The following INPP5F variants were observed in gnomAD, a reference collection of about 807,000 sequenced individuals.
INPP5F encodes inositol polyphosphate-5-phosphatase F, also known as phosphatidylinositide 4-phosphatase SAC2.
INPP5F carries 97 observed loss-of-function variants against 137.2 expected under a neutral mutation model. That is an observed-to-expected ratio of 0.71 (90% CI 0.60 to 0.84). The LOEUF (loss-of-function observed/expected upper bound fraction) is 0.84, where lower values mean the gene tolerates loss of function less well. Among genes scored for constraint, INPP5F ranks in the 40% least tolerant of loss-of-function variants. INPP5F has a pLI of 0.00. For missense variants in INPP5F, 1,271 were observed against 1,371.9 expected, an observed-to-expected ratio of 0.93 and a Z score of 1.16; for synonymous variants, 504 against 476.9, an observed-to-expected ratio of 1.06 and a Z score of -0.74.
intron 2 of INPP5F, among the ~76,000 whole-genome samples, chr10:119,765,546 A>ATTTTT (rs36034689): frequency 7.7e-6 from 1 of 129,820 alleles, no homozygotes. Context: ...TAATTTTTGT[A>ATTTTT]TTTTTTTTTT....
chr10:119,751,691 T>C (rs948399912), intron 2 of INPP5F, among the ~76,000 whole-genome samples: 5 of 152,236 alleles, frequency 3.3e-5, no homozygotes, highest in Admixed American at 6.5e-5. Context: ...AAGGGAATTT[T>C]GTTGGTGGGA....
rs374135735 is a variant in INPP5F at position 119,796,702 on chromosome 10, A to G, written c.670-13A>G. 2.2e-5 allele frequency: 35 copies of G among 1,605,226 alleles called. No individual in the cohort carries two copies. Among genetic ancestry groups the G allele is most frequent in the Non-Finnish European group, 2.8e-5 (33 of 1,171,902 alleles). The stretch of plus-strand genomic sequence containing the variant: ...ACAGAATAGAAACGATATCATGTTC[A>G]TTTTGTTTTCAGACTCCAGATGTGG... On this transcript the variant is annotated splice_polypyrimidine_tract_variant and intron_variant, in intron 6 of 19. Coordinates refer to ENST00000650623, the MANE Select transcript of INPP5F (RefSeq NM_014937.4).
intron 15 of INPP5F, chr10:119,815,684 G>A: frequency 3.6e-6 from 1 of 281,624 alleles, no homozygotes; most frequent in Non-Finnish European, 7.2e-6. Flanking sequence ...AACCAGGACA[G>A]CAGGAGTGTC....
At chr10:119,756,964 C>T (rs1005672281) in intron 2 of INPP5F, among the ~76,000 whole-genome samples, 2 of 151,824 alleles carry the variant, frequency 1.3e-5, no homozygotes, top group Admixed American at 6.6e-5. Context: ...ACCTCTTCCT[C>T]AGACATTTGC....
intron 3 of INPP5F, among the ~76,000 whole-genome samples, chr10:119,782,629 A>G (rs1849746540): frequency 1.3e-5 from 2 of 152,200 alleles, no homozygotes; most frequent in South Asian, 4.1e-4. Flanking sequence ...CAGCCTGGGC[A>G]ACATAGCCAG....
At chr10:119,730,944 C>T (rs541432172) in intron 1 of INPP5F, among the ~76,000 whole-genome samples, 80 of 152,170 alleles carry the variant, frequency 5.3e-4, no homozygotes, top group African/African-American at 1.4e-3. Context: ...CGCGCCACCA[C>T]GCCCAGCTAA....
At chr10:119,820,687 T>G (rs1417656801) in intron 15 of INPP5F, among the ~76,000 whole-genome samples, 159 bp from the exon 16 acceptor site, 1 of 152,224 alleles carries the variant, frequency 6.6e-6, no homozygotes, top group Admixed American at 6.5e-5. Flanking sequence ...ATGGATAGAT[T>G]GTATTACATC....
chr10:119,785,070 G>T (rs550181891), intron 3 of INPP5F, among the ~76,000 whole-genome samples: 2 of 151,904 alleles, frequency 1.3e-5, no homozygotes, highest in Admixed American at 1.3e-4. Flanking sequence ...ATAATCCCTT[G>T]TATGGGTATG....
rs1849717140 is a variant in INPP5F, at chr10:119,781,761, T to C, written c.305T>C (p.Leu102Pro). ...CTTTCTGAAATGGAACCTCAGGATC[T>C]TGAGCTAGAGGTAGGTGAAATAAAG... Reference protein sequence around the residue: ...LSLSEMEPQDLELELCKKHHF... With the variant: ...LSLSEMEPQDPELELCKKHHF... The change falls in exon 3 of 20, where the codon CTT becomes CCT. Residue 102 changes from leucine (L) to proline (P), a missense_variant. Leu to Pro is a moderately conservative substitution (Grantham distance 98). This residue lies in a region of INPP5F where 62 missense variants were observed against 55.0 expected (regional missense o/e 1.13). Transcript: ENST00000650623. The C allele has an allele frequency of 6.2e-6, 10 of 1,603,984 alleles. No individual in the cohort carries two copies. Among genetic ancestry groups the C allele is most frequent in the Non-Finnish European group, 7.7e-6 (9 of 1,172,616 alleles).
intron 1 of INPP5F, among the ~76,000 whole-genome samples, chr10:119,730,004 T>C (rs1453516218): frequency 6.6e-6 from 1 of 152,166 alleles, no homozygotes; most frequent in Non-Finnish European, 1.5e-5. Flanking sequence ...TGTTTCTAAT[T>C]TTTTTAAGGG....
intron 19 of INPP5F, 60 bp from the exon 20 acceptor site, chr10:119,826,571 A>T: frequency 7.7e-7 from 1 of 1,302,638 alleles, no homozygotes; most frequent in East Asian, 2.3e-5. Flanking sequence ...TATGTTAATA[A>T]CTGGAACTGG....
chr10:119,740,628 C>G (rs761672653), intron 1 of INPP5F, among the ~76,000 whole-genome samples: 1 of 152,130 alleles, frequency 6.6e-6, no homozygotes, highest in Admixed American at 6.5e-5. Context: ...CTGCAACCTC[C>G]GCCTTCTGGT....
Position 119,726,358 on chromosome 10 carries a change from C to G in INPP5F, c.96C>G (p.Pro32=), listed in dbSNP as rs758556650. The change falls in exon 1 of 20, where the codon CCC becomes CCG. Residue 32 remains proline (P), a splice_region_variant and synonymous_variant. Coordinates refer to ENST00000650623, the MANE Select transcript of INPP5F (RefSeq NM_014937.4). Reference sequence around the variant, plus strand: ...GCGACGGCGGCCTCCAGCTCCGACCCGGTGAGGCTGGCGGTGCGGGCGGGG... The same window carrying G: ...GCGACGGCGGCCTCCAGCTCCGACCGGGTGAGGCTGGCGGTGCGGGCGGGG... ...SRRDGGLQLR[P]ATDLLLAWNP... 6.4e-6 allele frequency: 9 copies of G among 1,397,358 alleles called. No individual in the cohort carries two copies. The highest frequency in any genetic ancestry group is 8.4e-6 in the Non-Finnish European group (9 of 1,068,380). The allele number at this position is 1,397,358 out of a possible 1,614,324, so 86.6% of individuals were successfully genotyped here. A position where few individuals can be genotyped will look rare whatever the true frequency, so the allele number is the denominator to read the frequency against.
chr10:119,801,092 G>T (rs1564840197), intron 9 of INPP5F, among the ~76,000 whole-genome samples: 1 of 152,146 alleles, frequency 6.6e-6, no homozygotes, highest in Non-Finnish European at 1.5e-5. Flanking sequence ...ACTCATTGCA[G>T]CATAGAAACA....
At chr10:119,757,346 G>A (rs1251107887) in intron 2 of INPP5F, among the ~76,000 whole-genome samples, 1 of 151,864 alleles carries the variant, frequency 6.6e-6, no homozygotes, top group African/African-American at 2.4e-5. Context: ...GGGATTACAG[G>A]CATGAGCCAC....
In INPP5F at chr10:119,827,928, AT is replaced by A. The variant is rs1477341923; in HGVS notation, c.*151del. 1.4e-5 allele frequency: 9 copies of A among 640,604 alleles called. No homozygotes were observed. In the African/African-American group the frequency reaches 1.5e-4, roughly 10 times the overall value. 39.7% of individuals were successfully genotyped at this position (640,604 alleles called of 1,614,324 possible). ...TTAAACGGAGTCGGAACCTGAGTAGATTTCCAAATTTTACAGCCAGGACTAC... is the reference window on the plus strand; with the variant it reads ...TTAAACGGAGTCGGAACCTGAGTAGATTCCAAATTTTACAGCCAGGACTAC... On this transcript the variant is annotated 3_prime_UTR_variant, in exon 20 of 20. Transcript: ENST00000650623.
At chr10:119,795,487 G>C (rs1299502378) in intron 6 of INPP5F, among the ~76,000 whole-genome samples, 22 of 150,934 alleles carry the variant, frequency 1.5e-4, no homozygotes, top group African/African-American at 2.4e-4. Context: ...ATGGGCGGCC[G>C]GGCAGAGACG....
chr10:119,821,497 T>G (rs910910579), intron 16 of INPP5F, among the ~76,000 whole-genome samples: 3 of 152,254 alleles, frequency 2.0e-5, no homozygotes, highest in Non-Finnish European at 4.4e-5. Flanking sequence ...TCCTCACACC[T>G]TACCAGAATT....
rs1313209473 is a variant in INPP5F, at chr10:119,787,467, A to C, written c.316-4050A>C. 6.6e-6 allele frequency among the ~76,000 whole-genome samples: 1 copy of C among 152,074 alleles called. No homozygotes were observed. The highest frequency in any genetic ancestry group is 1.5e-5 in the Non-Finnish European group (1 of 68,020). ...AGGCATGATGGCATGTGCCTCAGCTACTCGGGAGGCTAAGGTGGAAGAACC... is the reference window on the plus strand; with the variant it reads ...AGGCATGATGGCATGTGCCTCAGCTCCTCGGGAGGCTAAGGTGGAAGAACC... On this transcript the variant is annotated intron_variant, in intron 3 of 19. Transcript: ENST00000650623. The surrounding 1 kb of genome is among the most constrained non-coding windows in gnomAD (Gnocchi z 4.1).
Sources: gnomAD v4.1 joint callset for allele counts (sites outside exome capture counted in the v4.1 genomes callset) on GRCh38, gnomAD v4.1.1 for gene constraint, gnomAD v4.1.1 regional missense constraint, Gnocchi (gnomAD v3.1) non-coding constraint, MANE v1.5 for transcripts, NCBI Gene and HGNC (gene_info 2026-07-23, HGNC 2026-07-21) for gene names.